Variants in TDRD5 observed in about 807,000 individuals in gnomAD.
TDRD5 encodes the protein tudor domain containing 5.
Under a neutral mutation model 120.6 loss-of-function variants are expected in TDRD5, and 41 were observed. The observed-to-expected ratio is 0.34, with a 90% CI of 0.26 to 0.44. TDRD5 has a LOEUF of 0.44. Ranked by LOEUF, TDRD5 falls within the 20% of genes least tolerant of loss-of-function variation. The pLI is 1.00. For synonymous variants in TDRD5, 430 were observed against 433.7 expected, an observed-to-expected ratio of 0.99 and a Z score of 0.11; for missense variants, 1,006 against 1,221.2, an observed-to-expected ratio of 0.82 and a Z score of 2.63.
chr1:179,650,801 G>T, intron 11 of TDRD5, 66 bp from the exon 12 acceptor site: 1 of 1,508,534 alleles, frequency 6.6e-7, no homozygotes, highest in Non-Finnish European at 9.2e-7. Context: ...ATTCATTGTT[G>T]TATATGGTTA....
intron 4 of TDRD5, among the ~76,000 whole-genome samples, chr1:179,609,820 CA>C (rs1676187021): frequency 6.6e-6 from 1 of 152,180 alleles, no homozygotes; most frequent in African/African-American, 2.4e-5. Context: ...TCCACTTGCG[CA>C]AATCAGTACT....
intron 17 of TDRD5, among the ~76,000 whole-genome samples, chr1:179,670,624 T>C (rs1314597908): frequency 6.6e-6 from 1 of 152,228 alleles, no homozygotes; most frequent in Non-Finnish European, 1.5e-5. Context: ...TAGTGGTATA[T>C]TATTGTAGTT....
intron 17 of TDRD5, among the ~76,000 whole-genome samples, chr1:179,675,613 T>G (rs1348500754): frequency 6.6e-6 from 1 of 152,186 alleles, no homozygotes; most frequent in Non-Finnish European, 1.5e-5. Context: ...CTAGATTTCA[T>G]TGTTGACCCA....
intron 17 of TDRD5, among the ~76,000 whole-genome samples, chr1:179,675,519 T>TC (rs1257030171): frequency 1.3e-5 from 2 of 151,592 alleles, no homozygotes; most frequent in Admixed American, 6.6e-5. Context: ...GACCTCGTGA[T>TC]CCGCCCGCCT....
chr1:179,601,037 A>C (rs138020311), intron 4 of TDRD5, among the ~76,000 whole-genome samples: 17 of 152,326 alleles, frequency 1.1e-4, no homozygotes, highest in Admixed American at 2.6e-4. Flanking sequence ...TTATCTAGGT[A>C]AATGTTTCAT....
At chr1:179,688,979 A>G (rs886204658) in intron 17 of TDRD5, among the ~76,000 whole-genome samples, 2 of 152,230 alleles carry the variant, frequency 1.3e-5, no homozygotes, top group East Asian at 3.9e-4. Flanking sequence ...CTTCTTTGCT[A>G]TGGGTTCGAA....
At position 179,620,948 on chromosome 1, in the gene TDRD5, T is replaced by C. The variant is rs902284771; in HGVS notation, c.916-87T>C. 13 of 1,060,324 alleles carry C rather than the reference T, an allele frequency of 1.2e-5. No homozygotes were observed. The East Asian group carries it at 2.8e-4, about 23-fold the overall frequency. The allele number at this position is 1,060,324 out of a possible 1,614,324, so 65.7% of individuals were successfully genotyped here. A position where few individuals can be genotyped will look rare whatever the true frequency, so the allele number is the denominator to read the frequency against. On this transcript the variant is annotated intron_variant, in intron 5 of 17. Transcript: ENST00000444136. Reference sequence around the variant, plus strand: ...TTCATTTAATAATGTTACTTTTGCCTTTGTTGTTATTTGTTTATATTATTT... The same window carrying C: ...TTCATTTAATAATGTTACTTTTGCCCTTGTTGTTATTTGTTTATATTATTT...
intron 4 of TDRD5, among the ~76,000 whole-genome samples, chr1:179,618,287 G>C (rs112510362): frequency 0.021 from 3,161 of 152,240 alleles, 94 homozygotes; most frequent in African/African-American, 0.07. Flanking sequence ...TTTATAAATA[G>C]GAGAAAATTA....
At chr1:179,630,014 C>A (rs1019977136) in intron 6 of TDRD5, among the ~76,000 whole-genome samples, 1 of 146,602 alleles carries the variant, frequency 6.8e-6, no homozygotes, top group Non-Finnish European at 1.5e-5. Context: ...GAGTCTTGCT[C>A]TGTCACCCAG....
chr1:179,614,979 T>G (rs2101956290), intron 4 of TDRD5, among the ~76,000 whole-genome samples: 1 of 152,280 alleles, frequency 6.6e-6, no homozygotes, highest in African/African-American at 2.4e-5. Context: ...TCTTTTGAAC[T>G]TACTCCTCCT....
chr1:179,652,023 CT>C lies in TDRD5; in HGVS notation c.2002-9del. On this transcript the variant is annotated splice_polypyrimidine_tract_variant and intron_variant, in intron 12 of 17. Coordinates refer to ENST00000444136, the MANE Select transcript of TDRD5 (RefSeq NM_001199085.3). ...TCATGTAAATTAAACCATCCCTTTTCTTTTTTTAATCTTAGGGTTTCAGTGA... is the reference window on the plus strand; with the variant it reads ...TCATGTAAATTAAACCATCCCTTTTCTTTTTTAATCTTAGGGTTTCAGTGA... The C allele has an allele frequency of 4.4e-6, 7 of 1,607,648 alleles. No individual in the cohort carries two copies. The highest frequency in any genetic ancestry group is 1.1e-5 in the South Asian group (1 of 89,108).
At chr1:179,648,518 G>A (rs1173644943) in intron 11 of TDRD5, among the ~76,000 whole-genome samples, 5 of 145,446 alleles carry the variant, frequency 3.4e-5, no homozygotes, top group South Asian at 2.3e-4. Flanking sequence ...TGGATGCGGC[G>A]CACCAGCATG....
chr1:179,656,920 G>T (rs1679037727), intron 14 of TDRD5, among the ~76,000 whole-genome samples: 1 of 152,154 alleles, frequency 6.6e-6, no homozygotes, highest in African/African-American at 2.4e-5. Flanking sequence ...GAGTGTGGTG[G>T]TGGGCACCTG....
At chr1:179,607,751 T>C (rs889946801) in intron 4 of TDRD5, among the ~76,000 whole-genome samples, 7 of 151,956 alleles carry the variant, frequency 4.6e-5, no homozygotes. Context: ...TCTTAATACA[T>C]TGTTATTTTT....
chr1:179,635,573 G>C, intron 8 of TDRD5, 94 bp from the exon 9 acceptor site: 1 of 1,141,556 alleles, frequency 8.8e-7, no homozygotes, highest in East Asian at 2.6e-5. Context: ...AAGTGATTCT[G>C]ATAAAGGTGA....
chr1:179,638,621 T>A (rs1425259728), intron 9 of TDRD5, among the ~76,000 whole-genome samples: 1 of 127,552 alleles, frequency 7.8e-6, no homozygotes, highest in African/African-American at 2.8e-5. Flanking sequence ...AGTTATAGAA[T>A]CTTGCTGCTC....
In TDRD5 at chr1:179,645,500, G is replaced by A. The variant is rs1678306564; in HGVS notation, c.1800+5055G>A. Among the ~76,000 whole-genome samples the A allele has an allele frequency of 2.0e-5, 3 of 152,348 alleles. No homozygotes were observed. The South Asian group carries it at 6.2e-4, about 32-fold the overall frequency. On this transcript the variant is annotated intron_variant, in intron 11 of 17. Coordinates refer to ENST00000444136, the MANE Select transcript of TDRD5 (RefSeq NM_001199085.3). ...CCCTTTAAATATGCAGAGGCTGATA[G>A]ATGGTCCAGTATAGTGTCACTTTTT...
At position 179,640,429 on chromosome 1, in the gene TDRD5, G is replaced by A; in HGVS notation, c.1784G>A (p.Trp595Ter). 4.3e-6 allele frequency: 7 copies of A among 1,614,104 alleles called. No individual in the cohort carries two copies. The highest frequency in any genetic ancestry group is 5.9e-6 in the Non-Finnish European group (7 of 1,179,996). ...CAGGCTATCCCTTGTTCTTTGGCTT[G>A]GGTGAGACCAGTAGAGGTATGTTTG... ...PAQAIPCSLA[W>*]VRPVEEHWTS... Residue 595 changes from tryptophan to a stop codon, truncating the protein, a stop_gained, in exon 11 of 18, where the codon TGG (tryptophan) becomes TAG (stop). Coordinates refer to ENST00000444136, the MANE Select transcript of TDRD5 (RefSeq NM_001199085.3). LOFTEE classifies it high-confidence loss of function.
At chr1:179,647,451 C>T (rs1159552111) in intron 11 of TDRD5, among the ~76,000 whole-genome samples, 1 of 152,100 alleles carries the variant, frequency 6.6e-6, no homozygotes, top group East Asian at 1.9e-4. Flanking sequence ...AAAATCAATT[C>T]AAGGTGGATT....
Sources: allele counts gnomAD v4.1 joint callset (sites outside exome capture counted in the v4.1 genomes callset), GRCh38; gene constraint gnomAD v4.1.1; transcripts MANE v1.5; gene names NCBI Gene and HGNC (gene_info 2026-07-23, HGNC 2026-07-21).